Variants in NTRK1 observed in about 807,000 individuals in gnomAD.
NTRK1 encodes high affinity nerve growth factor receptor.
In NTRK1, 62 loss-of-function variants were observed where a neutral mutation model predicts 86.8. That is an observed-to-expected ratio of 0.71 (90% CI 0.58 to 0.88). NTRK1 has a LOEUF of 0.88. NTRK1 is among the 40% of genes least tolerant of loss of function. NTRK1 has a pLI of 0.00. For missense variants in NTRK1, 967 were observed against 1,078.4 expected, an observed-to-expected ratio of 0.90 and a Z score of 1.45; for synonymous variants, 469 against 456.6, an observed-to-expected ratio of 1.03 and a Z score of -0.35.
Position 156,860,999 on chromosome 1 carries a change from T to A in NTRK1, c.65T>A (p.Leu22Gln), listed in dbSNP as rs748402400. Residue 22 changes from leucine (L) to glutamine (Q), a missense_variant, in exon 1 of 17, where the codon CTG becomes CAG. Physicochemically the swap from Leu to Gln is moderately radical, Grantham distance 113. This residue lies in a region of NTRK1 where 330 missense variants were observed against 302.0 expected (regional missense o/e 1.09). Transcript: ENST00000524377. ...WHSWAAGPGSLLAWLILASAG... is the reference protein window; with the variant it reads ...WHSWAAGPGSQLAWLILASAG... Reference sequence around the variant, plus strand: ...AGCTGGGCTGCGGGGCCGGGCAGCCTGCTGGCTTGGCTGATACTGGCATCT... The same window carrying A: ...AGCTGGGCTGCGGGGCCGGGCAGCCAGCTGGCTTGGCTGATACTGGCATCT... 34 of 1,533,198 alleles carry A rather than the reference T, an allele frequency of 2.2e-5. No individual in the cohort carries two copies. The highest frequency in any genetic ancestry group is 3.5e-6 in the Non-Finnish European group (4 of 1,146,266). The allele number at this position is 1,533,198 out of a possible 1,614,324, so 95.0% of individuals were successfully genotyped here. A position where few individuals can be genotyped will look rare whatever the true frequency, so the allele number is the denominator to read the frequency against.
chr1:156,860,904 G>T lies in NTRK1; in HGVS notation c.-31G>T. 1 of 1,426,038 alleles carries T rather than the reference G, an allele frequency of 7.0e-7. No individual in the cohort carries two copies. The highest frequency in any genetic ancestry group is 9.1e-7 in the Non-Finnish European group (1 of 1,102,184). 88.3% of individuals were successfully genotyped at this position (1,426,038 alleles called of 1,614,324 possible). A position where few individuals can be genotyped will look rare whatever the true frequency, so the allele number is the denominator to read the frequency against. On this transcript the variant is annotated 5_prime_UTR_variant, in exon 1 of 17. Coordinates refer to ENST00000524377, the MANE Select transcript of NTRK1 (RefSeq NM_002529.4). ...TGCAGCTGGGAGCGCACAGACGGCTGCCCCGCCTGAGCGAGGCGGGCGCCG... is the reference window on the plus strand; with the variant it reads ...TGCAGCTGGGAGCGCACAGACGGCTTCCCCGCCTGAGCGAGGCGGGCGCCG...
Position 156,854,076 on chromosome 1 carries a change from G to A in NTRK1, c.51-10278G>A, listed in dbSNP as rs997096775. The A allele has an allele frequency of 5.0e-6, 8 of 1,613,950 alleles. No individual in the cohort carries two copies. The highest frequency in any genetic ancestry group is 3.3e-5 in the Admixed American group (2 of 60,018). ...TAGCCCAGGAAGAGGCGCGTCCCGC[G>A]GATGACTGCTAGGTTGGGGAAGAGG... On this transcript the variant is annotated intron_variant, in intron 2 of 16. Coordinates refer to the NTRK1 transcript ENST00000392302. The surrounding 1 kb of genome is among the most constrained non-coding windows in gnomAD (Gnocchi z 4.2).
exon 1 of NTRK1, chr1:156,815,773 A>T (rs1438928034): frequency 6.2e-7 from 1 of 1,610,502 alleles, no homozygotes; most frequent in African/African-American, 1.3e-5. Flanking sequence ...CTGCGGACTC[A>T]GCCTGAGCTT....
chr1:156,822,320 C>T (rs1229161627), intron 1 of NTRK1, among the ~76,000 whole-genome samples: 1 of 152,036 alleles, frequency 6.6e-6, no homozygotes, highest in Non-Finnish European at 1.5e-5. Flanking sequence ...AGATGGTAGT[C>T]AAGAGTGTTT....
Position 156,873,149 on chromosome 1 carries a change from C to T in NTRK1, c.851-484C>T, listed in dbSNP as rs141165146. Among the ~76,000 whole-genome samples, 1,116 of 151,708 alleles carry T rather than the reference C, an allele frequency of 7.4e-3. 14 individuals are homozygous for T. Among genetic ancestry groups the T allele is most frequent in the African/African-American group, 0.025 (1,035 of 41,324 alleles). On this transcript the variant is annotated intron_variant, in intron 7 of 16. Transcript: ENST00000524377. The stretch of plus-strand genomic sequence containing the variant: ...GCAGCCTTGAACTCCTGGCCTCAAG[C>T]GATCCTCCCACCTCAGCCCCCTGAG...
At chr1:156,818,210 T>G (rs1012114345) in intron 1 of NTRK1, among the ~76,000 whole-genome samples, 1 of 151,962 alleles carries the variant, frequency 6.6e-6, no homozygotes, top group Non-Finnish European at 1.5e-5. Context: ...GCACTGTTCT[T>G]GGTACTGAGA....
rs398122810 is a variant in NTRK1, at chr1:156,861,140, CTG to C, written c.207_208del (p.Glu70AlafsTer16). 4 of 1,575,182 alleles carry C rather than the reference CTG, an allele frequency of 2.5e-6. No homozygotes were observed. Among genetic ancestry groups the C allele is most frequent in the Non-Finnish European group, 3.4e-6 (4 of 1,164,356 alleles). On this transcript the variant is annotated frameshift_variant, in exon 1 of 17. Coordinates refer to ENST00000524377, the MANE Select transcript of NTRK1 (RefSeq NM_002529.4). LOFTEE classifies it high-confidence loss of function. ...CACCTGCCCGGCGCAGAGAACCTGA[CTG>C]AGCTGTGAGTGTCCGGCGGGCGGTG...
chr1:156,858,220 G>A (rs185024555), upstream of NTRK1, among the ~76,000 whole-genome samples: 18 of 152,328 alleles, frequency 1.2e-4, no homozygotes, highest in East Asian at 2.5e-3. Flanking sequence ...CCCTAGAGAT[G>A]ACTTCTAACA....
chr1:156,870,229 G>T (rs1236145988), intron 6 of NTRK1, among the ~76,000 whole-genome samples: 1 of 152,174 alleles, frequency 6.6e-6, no homozygotes, highest in Non-Finnish European at 1.5e-5. Flanking sequence ...GCTACCATCT[G>T]TGTTTTCTAG....
intron 1 of NTRK1, chr1:156,841,528 C>T: frequency 6.2e-7 from 1 of 1,613,974 alleles, no homozygotes; most frequent in Non-Finnish European, 8.5e-7. Context: ...CGCCAAAGGA[C>T]CTGGGGGCAT....
chr1:156,860,014 C>T (rs1275182533), upstream of NTRK1, among the ~76,000 whole-genome samples: 1 of 152,192 alleles, frequency 6.6e-6, no homozygotes, highest in Non-Finnish European at 1.5e-5. Flanking sequence ...GCGGGCGGCT[C>T]CTGCGTCCGA....
In NTRK1 at chr1:156,875,149, G is replaced by T. The variant is rs1408874808; in HGVS notation, c.1354+141G>T. ...GAGTGTGTTTGGGGTATAAATGAAG[G>T]CCTGGCTGTGAGGCTTGTGAGTGTG... On this transcript the variant is annotated intron_variant, in intron 11 of 16. Transcript: ENST00000524377. The T allele has an allele frequency of 1.8e-5, 13 of 720,296 alleles. 1 individual carries two copies. Among genetic ancestry groups the T allele is most frequent in the Middle Eastern group, 2.3e-4 (1 of 4,302 alleles). The allele number at this position is 720,296 out of a possible 1,614,324, so 44.6% of individuals were successfully genotyped here. A position where few individuals can be genotyped will look rare whatever the true frequency, so the allele number is the denominator to read the frequency against.
In NTRK1 at chr1:156,879,166, T is replaced by G; in HGVS notation, c.1850T>G (p.Val617Gly). The stretch of plus-strand genomic sequence containing the variant: ...AAGCTGCTGGCTGGTGGGGAGGATG[T>G]GGCTCCAGGCCCCCTGGGTCTGGGG... ...DAKLLAGGED[V>G]APGPLGLGQL... Residue 617 changes from valine (V) to glycine (G), a missense_variant, in exon 15 of 17, where the codon GTG (valine) becomes GGG (glycine). Transcript: ENST00000524377. The G allele has an allele frequency of 6.2e-7, 1 of 1,613,162 alleles. No individual in the cohort carries two copies.
At chr1:156,850,645 T>G (rs1655175892) in intron 2 of NTRK1, among the ~76,000 whole-genome samples, 1 of 146,742 alleles carries the variant, frequency 6.8e-6, no homozygotes, top group South Asian at 2.3e-4. Context: ...ATCTCTACCT[T>G]CTGGGTTCAA....
intron 10 of NTRK1, 121 bp downstream of exon 10, chr1:156,874,747 G>C: frequency 7.9e-7 from 1 of 1,258,202 alleles, no homozygotes; most frequent in Non-Finnish European, 1.1e-6. Context: ...AGCTCTGACG[G>C]CCACCCGCAC....
At chr1:156,830,550 CTTTTTT>C (rs5778003) in intron 1 of NTRK1, among the ~76,000 whole-genome samples, 61,136 of 106,106 alleles carry the variant, frequency 0.58, 16,304 homozygotes, top group East Asian at 0.74. Context: ...TTGTGGGATT[CTTTTTT>C]TTTTTTTTTT....
intron 4 of NTRK1, 38 bp downstream of exon 4, chr1:156,867,016 G>A (rs1478563626): frequency 6.2e-7 from 1 of 1,604,038 alleles, no homozygotes; most frequent in South Asian, 1.1e-5. Context: ...AGCACCAAGT[G>A]TGTGTGTGCC....
At chr1:156,863,682 A>G (rs571321565) in intron 1 of NTRK1, among the ~76,000 whole-genome samples, 4 of 149,802 alleles carry the variant, frequency 2.7e-5, no homozygotes, top group African/African-American at 9.9e-5. Context: ...GTGTGTGTGT[A>G]TGTCTGTGTG....
chr1:156,856,821 C>T (rs1655420973), upstream of NTRK1, among the ~76,000 whole-genome samples: 1 of 152,144 alleles, frequency 6.6e-6, no homozygotes, highest in Non-Finnish European at 1.5e-5. Flanking sequence ...CTGGGTGTGT[C>T]TCGCTTCTTC....
Sources: gnomAD v4.1 joint callset for allele counts (sites outside exome capture counted in the v4.1 genomes callset) on GRCh38, gnomAD v4.1.1 for gene constraint, gnomAD v4.1.1 regional missense constraint, Gnocchi (gnomAD v3.1) non-coding constraint, MANE v1.5 for transcripts, NCBI Gene and HGNC (gene_info 2026-07-23, HGNC 2026-07-21) for gene names.